ALMS1: variants seen among roughly 807,000 people sequenced by gnomAD.
ALMS1 encodes ALMS1 centrosome and basal body associated protein.
Under a neutral mutation model 352.2 loss-of-function variants are expected in ALMS1, and 271 were observed. The ratio of observed to expected loss-of-function variants is 0.77; its 90% confidence interval spans 0.70 to 0.85. The LOEUF (loss-of-function observed/expected upper bound fraction) is 0.85, where lower values mean the gene tolerates loss of function less well. Among genes scored for constraint, ALMS1 ranks in the 40% least tolerant of loss-of-function variants. The pLI is 0.00. For missense variants in ALMS1, 5,445 were observed against 4,870.7 expected, an observed-to-expected ratio of 1.12 and a Z score of -3.51; for synonymous variants, 1,865 against 1,761.2, an observed-to-expected ratio of 1.06 and a Z score of -1.48.
chr2:73,540,820 C>G (rs1482371575), intron 12 of ALMS1, among the ~76,000 whole-genome samples: 2 of 152,200 alleles, frequency 1.3e-5, no homozygotes, highest in Non-Finnish European at 2.9e-5. Flanking sequence ...ACAAGAAGAG[C>G]TAACTATCCT....
rs1389832144 is a variant in ALMS1, at chr2:73,531,816, C to T, written c.9782-3008C>T. Among the ~76,000 whole-genome samples the T allele has an allele frequency of 4.6e-5, 7 of 152,214 alleles. No homozygotes were observed. The South Asian group carries it at 6.2e-4, about 14-fold the overall frequency. On this transcript the variant is annotated intron_variant, in intron 11 of 22. Coordinates refer to ENST00000613296, the MANE Select transcript of ALMS1 (RefSeq NM_001378454.1). ...TGAAGGGGAAGCAAGACACATCTTA[C>T]GTGGCAGCAGGAGAAAGAGAGCTCA...
chr2:73,427,787 G>A (rs79470267), intron 6 of ALMS1, among the ~76,000 whole-genome samples: 1 of 152,024 alleles, frequency 6.6e-6, no homozygotes, highest in African/African-American at 2.4e-5. Flanking sequence ...TTGTTGTCTG[G>A]TACTGTAAGT....
In ALMS1 at chr2:73,490,318, A is replaced by G. The variant is rs200075429; in HGVS notation, c.8359A>G (p.Ile2787Val). 6.6e-5 allele frequency: 106 copies of G among 1,611,666 alleles called. No homozygotes were observed. The African/African-American group carries it at 1.2e-3, about 19-fold the overall frequency. ...TAATTCACAAGATAAAGAAGTGACT[A>G]TTTTAGCAGAAGGTAGAAGGCAAAG... ...HSNSQDKEVTILAEGRRQSQK... is the reference protein window; with the variant it reads ...HSNSQDKEVTVLAEGRRQSQK... Residue 2787 changes from isoleucine to valine, a missense_variant, in exon 10 of 23, where the codon ATT (isoleucine) becomes GTT (valine). Ile to Val is a conservative substitution (Grantham distance 29). Coordinates refer to ENST00000613296, the MANE Select transcript of ALMS1 (RefSeq NM_001378454.1).
At position 73,508,790 on chromosome 2, in the gene ALMS1, C is replaced by T. The variant is rs139059270; in HGVS notation, c.9540-10985C>T. On this transcript the variant is annotated intron_variant, in intron 10 of 22. Transcript: ENST00000613296. ...CTGAATATCCTTGTTAATTTTCTGT[C>T]TCGTTGATTTGTCTAATATTGACAA... 7.8e-3 allele frequency among the ~76,000 whole-genome samples: 1,194 copies of T among 152,198 alleles called. 11 individuals are homozygous for T. Among genetic ancestry groups the T allele is most frequent in the African/African-American group, 0.027 (1,139 of 41,524 alleles).
chr2:73,403,985 C>T (rs533306983), intron 1 of ALMS1, among the ~76,000 whole-genome samples: 2 of 152,260 alleles, frequency 1.3e-5, no homozygotes, highest in South Asian at 2.1e-4. Flanking sequence ...CTGCAACCTC[C>T]ACCTCCTGGG....
intron 9 of ALMS1, among the ~76,000 whole-genome samples, chr2:73,484,282 C>G (rs1050996321): frequency 6.6e-6 from 1 of 151,688 alleles, no homozygotes; most frequent in East Asian, 1.9e-4. Flanking sequence ...GTGACAAAAT[C>G]TCTCAGCATT....
At chr2:73,478,944 G>GT (rs1672639070) in intron 9 of ALMS1, among the ~76,000 whole-genome samples, 1 of 151,994 alleles carries the variant, frequency 6.6e-6, no homozygotes, top group Non-Finnish European at 1.5e-5. Context: ...GTGGTGTTTG[G>GT]TTTTCTGTTC....
chr2:73,552,096 C>T (rs1481166088), intron 13 of ALMS1, among the ~76,000 whole-genome samples: 11 of 151,988 alleles, frequency 7.2e-5, no homozygotes, highest in Non-Finnish European at 1.2e-4. Context: ...GGTACATGTG[C>T]ACAATGTGCA....
chr2:73,408,867 T>A, intron 2 of ALMS1, 120 bp downstream of exon 2: 5 of 539,670 alleles, frequency 9.3e-6, no homozygotes, highest in Non-Finnish European at 1.3e-5. Flanking sequence ...TTCTTGTCTT[T>A]TTTTTTTTTT....
chr2:73,492,334 A>G lies in ALMS1; in HGVS notation c.9539+836A>G, dbSNP rs538836042. The stretch of plus-strand genomic sequence containing the variant: ...TACATGTGGTAGTAGTCATGGCAAT[A>G]AGGAACTTAGATATGCTATCCTACT... On this transcript the variant is annotated intron_variant, in intron 10 of 22. Coordinates refer to ENST00000613296, the MANE Select transcript of ALMS1 (RefSeq NM_001378454.1). Among the ~76,000 whole-genome samples, 8 of 152,332 alleles carry G rather than the reference A, an allele frequency of 5.3e-5. No individual in the cohort carries two copies. In the Middle Eastern group the frequency reaches 0.01, roughly 194 times the overall value.
chr2:73,561,037 C>T (rs896354028), intron 15 of ALMS1, among the ~76,000 whole-genome samples: 4 of 152,170 alleles, frequency 2.6e-5, no homozygotes, highest in African/African-American at 2.4e-5. Context: ...GGCGTGAAAG[C>T]GGGAATACAG....
At chr2:73,414,387 T>A (rs13022149) in intron 2 of ALMS1, among the ~76,000 whole-genome samples, 76,199 of 138,736 alleles carry the variant, frequency 0.55, 22,247 homozygotes, top group East Asian at 0.77. Context: ...TTTAAAAAAA[T>A]ATTTCCTTTA....
Position 73,490,346 on chromosome 2 carries a change from A to G in ALMS1, c.8387A>G (p.Gln2796Arg), listed in dbSNP as rs1166275272. The change falls in exon 10 of 23, where the codon CAA (glutamine) becomes CGA (arginine). Residue 2796 changes from glutamine (Q) to arginine (R), a missense_variant. Gln to Arg is a conservative substitution (Grantham distance 43). Transcript: ENST00000613296. ...TILAEGRRQS[Q>R]KLPVDFERSF... ...TTAGCAGAAGGTAGAAGGCAAAGCC[A>G]AAAATTACCTGTTGATTTTGAGCGT... 1.9e-6 allele frequency: 3 copies of G among 1,612,444 alleles called. No individual in the cohort carries two copies. Among genetic ancestry groups the G allele is most frequent in the Non-Finnish European group, 1.7e-6 (2 of 1,179,298 alleles).
At chr2:73,523,214 A>G (rs1294394906) in intron 11 of ALMS1, among the ~76,000 whole-genome samples, 1 of 152,184 alleles carries the variant, frequency 6.6e-6, no homozygotes, top group Non-Finnish European at 1.5e-5. Flanking sequence ...TCCCCAGCTT[A>G]TGCCATAACA....
intron 2 of ALMS1, among the ~76,000 whole-genome samples, chr2:73,411,972 C>T (rs1028500136): frequency 6.6e-5 from 10 of 152,208 alleles, no homozygotes; most frequent in African/African-American, 1.4e-4. Flanking sequence ...GCTACTGCTT[C>T]GGTCAATATT....
At position 73,608,527 on chromosome 2, in the gene ALMS1, A is replaced by C. The variant is rs759390375; in HGVS notation, c.12415A>C (p.Lys4139Gln). ...GAAAAAGAGAGAAGAAGAGAAGAGA[A>C]AATCAGAATATAAGTCATACCGGCT... ...VQKKREEEKR[K>Q]SEYKSYRLRA... Residue 4139 changes from lysine (K) to glutamine (Q), a missense_variant, in exon 22 of 23, where the codon AAA becomes CAA. Lys to Gln is a moderately conservative substitution (Grantham distance 53, BLOSUM62 1). Transcript: ENST00000613296. 1 of 1,614,154 alleles carries C rather than the reference A, an allele frequency of 6.2e-7. No homozygotes were observed. Among genetic ancestry groups the C allele is most frequent in the Non-Finnish European group, 8.5e-7 (1 of 1,179,990 alleles).
At chr2:73,540,018 G>C (rs1482912114) in intron 12 of ALMS1, among the ~76,000 whole-genome samples, 1 of 152,158 alleles carries the variant, frequency 6.6e-6, no homozygotes, top group Non-Finnish European at 1.5e-5. Flanking sequence ...GAAATACAGA[G>C]AATGCCACAA....
At chr2:73,443,444 T>C (rs1371619360) in intron 7 of ALMS1, among the ~76,000 whole-genome samples, 1 of 152,198 alleles carries the variant, frequency 6.6e-6, no homozygotes, top group Non-Finnish European at 1.5e-5. Context: ...CTTTGCTGTC[T>C]TTCAGGAAAA....
chr2:73,548,279 G>A (rs1478835072), intron 12 of ALMS1, among the ~76,000 whole-genome samples: 11 of 152,146 alleles, frequency 7.2e-5, no homozygotes, highest in Non-Finnish European at 1.5e-4. Flanking sequence ...TTTAGTTAGA[G>A]TTCTGGAGCA....
Sources: gnomAD v4.1 joint callset for allele counts (sites outside exome capture counted in the v4.1 genomes callset) on GRCh38, gnomAD v4.1.1 for gene constraint, MANE v1.5 for transcripts, NCBI Gene and HGNC (gene_info 2026-07-23, HGNC 2026-07-21) for gene names.